Variants in KMT2D observed in about 807,000 individuals in gnomAD.
KMT2D encodes the protein lysine methyltransferase 2D.
Under a neutral mutation model 512.7 loss-of-function variants are expected in KMT2D, and 55 were observed. The ratio of observed to expected loss-of-function variants is 0.11; its 90% CI spans 0.09 to 0.13. KMT2D has a LOEUF of 0.13. KMT2D is among the 10% of genes least tolerant of loss of function. The pLI is 1.00. For synonymous variants in KMT2D, 2,995 were observed against 2,904.0 expected, an observed-to-expected ratio of 1.03 and a Z score of -1.01; for missense variants, 6,061 against 7,127.9, an observed-to-expected ratio of 0.85 and a Z score of 5.39.
chr12:49,019,103 A>T lies in KMT2D; in HGVS notation c.*2677T>A. On this transcript the variant is annotated 3_prime_UTR_variant, in exon 55 of 55. Coordinates refer to ENST00000301067, the MANE Select transcript of KMT2D (RefSeq NM_003482.4). ...TTCAGAATGATCGCTGATACAAAAC[A>T]TGCCAAGGACAGGGGCGCTGAGGGT... 8.4e-7 allele frequency: 1 copy of T among 1,191,092 alleles called. No individual in the cohort carries two copies. 73.8% of individuals were successfully genotyped at this position (1,191,092 alleles called of 1,614,324 possible).
In KMT2D at chr12:49,021,765, T is replaced by C. The variant is rs899778705; in HGVS notation, c.*15A>G. ...TGGGTAGGGGGACTCCCCTGCCTGGTAGCCTCAAAGCTTCTTAGTTCATCC... is the reference window on the plus strand; with the variant it reads ...TGGGTAGGGGGACTCCCCTGCCTGGCAGCCTCAAAGCTTCTTAGTTCATCC... On this transcript the variant is annotated 3_prime_UTR_variant, in exon 55 of 55. Coordinates refer to ENST00000301067, the MANE Select transcript of KMT2D (RefSeq NM_003482.4). 1.2e-5 allele frequency: 19 copies of C among 1,603,616 alleles called. No homozygotes were observed. The highest frequency in any genetic ancestry group is 2.2e-5 in the East Asian group (1 of 44,848).
In KMT2D at chr12:49,029,188, A is replaced by G. The variant is rs2120393463; in HGVS notation, c.14124T>C (p.Ala4708=). Residue 4708 remains alanine, a synonymous_variant, in exon 45 of 55, where the codon GCT becomes GCC. Coordinates refer to ENST00000301067, the MANE Select transcript of KMT2D (RefSeq NM_003482.4). ...CCCCCAAGATGCTCTCAGGGGATGA[A>G]GCTGGCACAATGCTGTCAGGAGAAT... ...DSDSPDSIVP[A]SSPESILGEE... is the part of the protein sequence containing the mutation. 6.2e-7 allele frequency: 1 copy of G among 1,613,932 alleles called. No homozygotes were observed. Among genetic ancestry groups the G allele is most frequent in the Non-Finnish European group, 8.5e-7 (1 of 1,179,812 alleles).
chr12:49,053,133 C>T, intron 8 of KMT2D, 61 bp from the exon 9 acceptor site: 1 of 1,612,142 alleles, frequency 6.2e-7, no homozygotes, highest in Non-Finnish European at 8.5e-7. Context: ...AACGAAAGTA[C>T]ACAACTTGTC....
chr12:49,052,678 T>A lies in KMT2D; in HGVS notation c.1144A>T (p.Thr382Ser). ...FSPPEPGDTP[T>S]DEPDALYVAC... ...ACGTACAGAGCATCGGGCTCGTCAG[T>A]GGGGGTATCGCCAGGCTCTGGGGGT... Residue 382 changes from threonine (T) to serine (S), a missense_variant, in exon 10 of 55, where the codon ACT becomes TCT. Around this residue, in one of 16 missense-constraint regions of KMT2D, gnomAD observed 848 missense variants for 838.5 expected, o/e 1.01. Coordinates refer to ENST00000301067, the MANE Select transcript of KMT2D (RefSeq NM_003482.4). 1 of 1,613,452 alleles carries A rather than the reference T, an allele frequency of 6.2e-7. No homozygotes were observed. The highest frequency in any genetic ancestry group is 8.5e-7 in the Non-Finnish European group (1 of 1,179,702).
At position 49,038,651 on chromosome 12, in the gene KMT2D, T is replaced by C. The variant is rs1943340512; in HGVS notation, c.8705A>G (p.Gln2902Arg). Residue 2902 changes from glutamine (Q) to arginine (R), a missense_variant, in exon 35 of 55, where the codon CAG becomes CGG. Around this residue, in one of 16 missense-constraint regions of KMT2D, gnomAD observed 527 missense variants for 578.9 expected, o/e 0.91. Transcript: ENST00000301067. This position sits in a 1 kb window ranked among gnomAD's most constrained non-coding sequence, Gnocchi z 5.7. ...GTPFPGQGPP[Q>R]RPRFYPVSED... ...ACTTACAGGGTAAAAACGGGGTCTC[T>C]GAGGTGGGCCCTGACCAGGAAACGG... is the stretch of plus-strand genomic sequence containing the variant. 6.2e-7 allele frequency: 1 copy of C among 1,613,062 alleles called. No individual in the cohort carries two copies. Among genetic ancestry groups the C allele is most frequent in the South Asian group, 1.1e-5 (1 of 91,082 alleles).
rs1260195495 is a variant in KMT2D at position 49,044,109 on chromosome 12, C to T, written c.5188+91G>A. The T allele has an allele frequency of 6.3e-7, 1 of 1,587,568 alleles. No homozygotes were observed. The highest frequency in any genetic ancestry group is 1.1e-5 in the South Asian group (1 of 88,732). ...CACAACACCAGCTGGGTCTACCACC[C>T]TCTTGGCCCTTTCAATGAGTCCACC... On this transcript the variant is annotated intron_variant, in intron 22 of 54. Transcript: ENST00000301067. This position sits in a 1 kb window ranked among gnomAD's most constrained non-coding sequence, Gnocchi z 6.4.
rs2120659179 is a variant in KMT2D at position 49,050,893 on chromosome 12, C to T, written c.2790G>A (p.Met930Ile). Residue 930 changes from methionine (M) to isoleucine (I), a missense_variant, in exon 11 of 55, where the codon ATG (methionine) becomes ATA (isoleucine). By Grantham distance (10) the Met-to-Ile change is conservative. Coordinates refer to ENST00000301067, the MANE Select transcript of KMT2D (RefSeq NM_003482.4). ...GTACTAACATCCCCTTACCTGGTGG[C>T]ATCAGCTGAGGCGACAAGGATGGCT... The part of the protein sequence containing the change: ...SGEPSLSPQL[M>I]PPDPLPPPLS... The T allele has an allele frequency of 6.5e-7, 1 of 1,536,674 alleles. No homozygotes were observed. The highest frequency in any genetic ancestry group is 1.3e-5 in the South Asian group (1 of 79,038).
intron 15 of KMT2D, among the ~76,000 whole-genome samples, chr12:49,047,022 A>T (rs1353434211): frequency 6.6e-6 from 1 of 151,652 alleles, no homozygotes; most frequent in East Asian, 1.9e-4. Context: ...ATTTTTTTGT[A>T]TTTAGTAGAG....
rs1187229364 is a variant in KMT2D, at chr12:49,044,375, A to G, written c.5083+28T>C. On this transcript the variant is annotated intron_variant, in intron 21 of 54. Transcript: ENST00000301067. This position sits in a 1 kb window ranked among gnomAD's most constrained non-coding sequence, Gnocchi z 6.4. ...TTGAGCTGCCCCGCACCACCCCACC[A>G]CCCCACAACCCCATCCCAGGACCTC... 1.9e-6 allele frequency: 3 copies of G among 1,610,390 alleles called. No individual in the cohort carries two copies. Among genetic ancestry groups the G allele is most frequent in the Admixed American group, 3.4e-5 (2 of 59,698 alleles).
At position 49,042,801 on chromosome 12, in the gene KMT2D, C is replaced by T. The variant is rs766962462; in HGVS notation, c.5722G>A (p.Gly1908Ser). ...CCTTCTAGGCCAGGGGTTCCACAAC[C>T]CAGATGCTGTTCTCGTTCAGAGCCC... ...VLGSEREQHL[G>S]CGTPGLEGSR... is the part of the protein sequence containing the mutation. The change falls in exon 27 of 55, where the codon GGT (glycine) becomes AGT (serine). Residue 1908 changes from glycine to serine, a missense_variant. Coordinates refer to ENST00000301067, the MANE Select transcript of KMT2D (RefSeq NM_003482.4). The surrounding 1 kb of genome is among the most constrained non-coding windows in gnomAD (Gnocchi z 4.4). The T allele has an allele frequency of 1.2e-6, 2 of 1,613,984 alleles. No homozygotes were observed. Among genetic ancestry groups the T allele is most frequent in the African/African-American group, 2.7e-5 (2 of 75,060 alleles).
chr12:49,046,191 G>A lies in KMT2D; in HGVS notation c.4584-17C>T. The A allele has an allele frequency of 1.2e-6, 2 of 1,612,160 alleles. No individual in the cohort carries two copies. Among genetic ancestry groups the A allele is most frequent in the Non-Finnish European group, 1.7e-6 (2 of 1,178,944 alleles). ...TGCATCCACCTGGAGAACAGAGACT[G>A]GAGGAAATAAGCTCAGGCAATGCGA... On this transcript the variant is annotated splice_polypyrimidine_tract_variant and intron_variant, in intron 17 of 54. Coordinates refer to ENST00000301067, the MANE Select transcript of KMT2D (RefSeq NM_003482.4). This position sits in a 1 kb window ranked among gnomAD's most constrained non-coding sequence, Gnocchi z 4.2.
In KMT2D at chr12:49,026,652, T is replaced by C. The variant is rs1324499370; in HGVS notation, c.15314A>G (p.Asn5105Ser). The C allele has an allele frequency of 2.7e-5, 43 of 1,613,902 alleles. No individual in the cohort carries two copies. The highest frequency in any genetic ancestry group is 3.5e-5 in the Non-Finnish European group (41 of 1,179,898). Residue 5105 changes from asparagine (N) to serine (S), a missense_variant, in exon 49 of 55, where the codon AAT (asparagine) becomes AGT (serine). Around this residue, in one of 16 missense-constraint regions of KMT2D, gnomAD observed 261 missense variants for 440.7 expected, o/e 0.59. Coordinates refer to ENST00000301067, the MANE Select transcript of KMT2D (RefSeq NM_003482.4). The surrounding 1 kb of genome is among the most constrained non-coding windows in gnomAD (Gnocchi z 9.6). ...CQRTGATSSC[N>S]RMRCPNVYHF... ...GTAGACATTGGGGCAACGCATGCGA[T>C]TGCAGCTGCTGGTGGCACCAGTTCG...
intron 15 of KMT2D, among the ~76,000 whole-genome samples, chr12:49,047,692 T>TTACAGG: frequency 6.6e-6 from 1 of 152,290 alleles, no homozygotes; most frequent in Non-Finnish European, 1.5e-5. Context: ...AGTGCTGGGA[T>TTACAGG]TACAGGTGGG....
rs1938335748 is a variant in KMT2D, at chr12:49,055,184, T to C, written c.49+92A>G. ...CAAAGTTGTTCCATTACTTATCTGC[T>C]ACATAGACTTAGCTCATGTCCTTGT... On this transcript the variant is annotated intron_variant, in intron 2 of 54. Transcript: ENST00000301067. The C allele has an allele frequency of 6.5e-6, 10 of 1,541,624 alleles. No individual in the cohort carries two copies. In the South Asian group the frequency reaches 1.0e-4, roughly 16 times the overall value.
chr12:49,045,725 C>T (rs1041985712), intron 19 of KMT2D, among the ~76,000 whole-genome samples, 195 bp downstream of exon 19: 6 of 151,974 alleles, frequency 3.9e-5, no homozygotes, highest in East Asian at 1.9e-4. Flanking sequence ...GAACATTGCC[C>T]GGGAAGCTGG....
At position 49,041,254 on chromosome 12, in the gene KMT2D, A is replaced by G. The variant is rs2120544005; in HGVS notation, c.6516T>C (p.Pro2172=). 1 of 1,516,712 alleles carries G rather than the reference A, an allele frequency of 6.6e-7. No homozygotes were observed. The highest frequency in any genetic ancestry group is 8.8e-7 in the Non-Finnish European group (1 of 1,136,734). 94.0% of individuals were successfully genotyped at this position (1,516,712 alleles called of 1,614,324 possible). A position where few individuals can be genotyped will look rare whatever the true frequency, so the allele number is the denominator to read the frequency against. ...KLPPQVPAQV[P]SQDPFGLAPA... is the part of the protein sequence containing the mutation. ...GGGCCAGTCCAAAGGGGTCCTGCGAAGGCACTTGGGCGGGCACCTGGGGTG... is the reference window on the plus strand; with the variant it reads ...GGGCCAGTCCAAAGGGGTCCTGCGAGGGCACTTGGGCGGGCACCTGGGGTG... The change falls in exon 32 of 55, where the codon CCT becomes CCC. Residue 2172 remains proline, a synonymous_variant. Transcript: ENST00000301067. The surrounding 1 kb of genome is among the most constrained non-coding windows in gnomAD (Gnocchi z 5.4).
intron 51 of KMT2D, chr12:49,023,996 T>C (rs1244994294): frequency 2.2e-6 from 1 of 447,470 alleles, no homozygotes; most frequent in Non-Finnish European, 4.5e-6. Context: ...ATTTAATCTT[T>C]CTGGGTCTCA....
Position 49,041,049 on chromosome 12 carries a change from G to C in KMT2D, c.6721C>G (p.Pro2241Ala). The change falls in exon 32 of 55, where the codon CCT (proline) becomes GCT (alanine). Residue 2241 changes from proline (P) to alanine (A), a missense_variant. Physicochemically the swap from Pro to Ala is conservative, Grantham distance 27. Around this residue, in one of 16 missense-constraint regions of KMT2D, gnomAD observed 710 missense variants for 647.3 expected, o/e 1.10. Coordinates refer to ENST00000301067, the MANE Select transcript of KMT2D (RefSeq NM_003482.4). This position sits in a 1 kb window ranked among gnomAD's most constrained non-coding sequence, Gnocchi z 5.4. Reference protein sequence around the residue: ...PGTPRHQPSTPDPFLKPRCPS... With the variant: ...PGTPRHQPSTADPFLKPRCPS... ...CAGCGGGGTTTGAGGAATGGGTCAG[G>C]TGTGGAGGGCTGGTGTCTGGGGGTG... 1.9e-6 allele frequency: 3 copies of C among 1,552,982 alleles called. No homozygotes were observed. Among genetic ancestry groups the C allele is most frequent in the Non-Finnish European group, 1.7e-6 (2 of 1,150,108 alleles).
intron 1 of KMT2D, 55 bp from the exon 2 acceptor site, chr12:49,055,416 T>A: frequency 8.1e-7 from 1 of 1,232,716 alleles, no homozygotes; most frequent in South Asian, 1.4e-5. Context: ...CAAGAAGCAT[T>A]TTTCCCAGAA....
Sources: gnomAD v4.1 joint callset for allele counts (sites outside exome capture counted in the v4.1 genomes callset) on GRCh38, gnomAD v4.1.1 for gene constraint, gnomAD v4.1.1 regional missense constraint, Gnocchi (gnomAD v3.1) non-coding constraint, MANE v1.5 for transcripts, NCBI Gene and HGNC (gene_info 2026-07-23, HGNC 2026-07-21) for gene names.